Variants in EYA1 observed in about 807,000 individuals in gnomAD.
EYA1 encodes the protein protein phosphatase EYA1.
A neutral mutation model predicts 82.0 loss-of-function variants in EYA1; 16 were observed. The observed-to-expected ratio is 0.20, with a 90% CI of 0.13 to 0.30. The LOEUF (loss-of-function observed/expected upper bound fraction) is 0.30, where lower values mean the gene tolerates loss of function less well. Ranked by LOEUF, EYA1 falls within the 10% of genes least tolerant of loss-of-function variation. The pLI, the probability that EYA1 is intolerant of heterozygous loss-of-function variation, is 1.00. For synonymous variants in EYA1, 261 were observed against 264.4 expected (o/e 0.99, Z 0.12); for missense variants, 633 against 730.7 (o/e 0.87, Z 1.54).
chr8:71,337,947 G>C (rs1272999806), intron 3 of EYA1, among the ~76,000 whole-genome samples: 3 of 152,228 alleles, frequency 2.0e-5, no homozygotes, highest in African/African-American at 7.2e-5. Context: ...ATCTGTAAGT[G>C]TGGGTGAATA....
At chr8:71,438,563 C>G (rs941850535) in intron 2 of EYA1, among the ~76,000 whole-genome samples, 10 of 152,096 alleles carry the variant, frequency 6.6e-5, no homozygotes, top group South Asian at 2.1e-4. Flanking sequence ...CAGGCAGAAA[C>G]TGCTGTCAGG....
At chr8:71,428,043 G>A (rs752439134) in intron 2 of EYA1, among the ~76,000 whole-genome samples, 6 of 151,888 alleles carry the variant, frequency 4.0e-5, no homozygotes, top group Non-Finnish European at 8.8e-5. Flanking sequence ...AGTCTGGAAC[G>A]AGGCATATGG....
At chr8:71,379,224 C>T (rs1828552532) in intron 2 of EYA1, among the ~76,000 whole-genome samples, 1 of 152,118 alleles carries the variant, frequency 6.6e-6, no homozygotes, top group African/African-American at 2.4e-5. Context: ...CACTATGATG[C>T]TGGACAAGAC....
intron 17 of EYA1, among the ~76,000 whole-genome samples, chr8:71,208,887 G>A (rs1355677791): frequency 6.6e-6 from 1 of 152,184 alleles, no homozygotes; most frequent in Non-Finnish European, 1.5e-5. Flanking sequence ...TATCAGAAAG[G>A]TTTAGGAAGG....
At chr8:71,339,491 T>G (rs567396645) in intron 3 of EYA1, among the ~76,000 whole-genome samples, 1 of 152,156 alleles carries the variant, frequency 6.6e-6, no homozygotes, top group Non-Finnish European at 1.5e-5. Flanking sequence ...TGTCTGAAAC[T>G]GTTTCCACTG....
chr8:71,400,168 T>C (rs1279107865), intron 2 of EYA1, among the ~76,000 whole-genome samples: 1 of 151,978 alleles, frequency 6.6e-6, no homozygotes, highest in African/African-American at 2.4e-5. Context: ...AAGACTTAAG[T>C]GTAAAACCCA....
chr8:71,399,165 G>A (rs1419798115), intron 2 of EYA1, among the ~76,000 whole-genome samples: 1 of 152,192 alleles, frequency 6.6e-6, no homozygotes, highest in Non-Finnish European at 1.5e-5. Flanking sequence ...TAGGGTGGGA[G>A]TGTCCTGATT....
chr8:71,277,115 A>ATGCTTTTTTTTTTTTTT (rs1563383057), intron 9 of EYA1, among the ~76,000 whole-genome samples: 1 of 76,938 alleles, frequency 1.3e-5, no homozygotes, highest in African/African-American at 5.3e-5. Context: ...GGCTTCACAC[A>ATGCTTTTTTTTTTTTTT]TTTTTTTTTT....
chr8:71,504,662 T>C lies in EYA1; in HGVS notation c.33+31082A>G, dbSNP rs573934161. Among the ~76,000 whole-genome samples the C allele has an allele frequency of 1.7e-4, 26 of 152,324 alleles. No individual in the cohort carries two copies. The East Asian group carries it at 4.6e-3, about 27-fold the overall frequency. On this transcript the variant is annotated intron_variant, in intron 2 of 18. Transcript: ENST00000643681. The stretch of plus-strand genomic sequence containing the variant: ...CAGAATCACCTGGGATGCTTATTAA[T>C]ACATCCACCTCCAGATATTCTGCTT...
chr8:71,453,792 A>G (rs1807613659), intron 2 of EYA1, among the ~76,000 whole-genome samples: 1 of 152,194 alleles, frequency 6.6e-6, no homozygotes, highest in African/African-American at 2.4e-5. Context: ...GAAAGGAACA[A>G]CAGGTACGAG....
At chr8:71,333,658 C>G (rs1458252398) in intron 4 of EYA1, among the ~76,000 whole-genome samples, 1 of 152,118 alleles carries the variant, frequency 6.6e-6, no homozygotes, top group African/African-American at 2.4e-5. Context: ...TTTACAGAGT[C>G]TATTTAATTT....
At chr8:71,285,512 C>T (rs891708335) in intron 9 of EYA1, among the ~76,000 whole-genome samples, 1 of 152,136 alleles carries the variant, frequency 6.6e-6, no homozygotes, top group Non-Finnish European at 1.5e-5. Context: ...GGGCAGCATG[C>T]TTTTCAAAAA....
chr8:71,236,650 T>A (rs749949320), intron 12 of EYA1, among the ~76,000 whole-genome samples: 9 of 152,214 alleles, frequency 5.9e-5, no homozygotes, highest in Non-Finnish European at 1.0e-4. Flanking sequence ...TACAGTTGTG[T>A]GACCTTAGAC....
chr8:71,267,827 C>T (rs1332253496), intron 11 of EYA1, among the ~76,000 whole-genome samples: 1 of 152,164 alleles, frequency 6.6e-6, no homozygotes, highest in African/African-American at 2.4e-5. Flanking sequence ...GGATTACAGG[C>T]ATGAGCCACC....
At chr8:71,350,683 A>G (rs1292127374) in intron 3 of EYA1, among the ~76,000 whole-genome samples, 1 of 152,110 alleles carries the variant, frequency 6.6e-6, no homozygotes, top group East Asian at 1.9e-4. Flanking sequence ...CTAAGCTTAC[A>G]ATAGAGAAAA....
At chr8:71,469,692 C>G (rs1336259259) in intron 2 of EYA1, among the ~76,000 whole-genome samples, 1 of 152,056 alleles carries the variant, frequency 6.6e-6, no homozygotes, top group African/African-American at 2.4e-5. Context: ...CCCAGACTCA[C>G]AGAGATTTCT....
intron 3 of EYA1, among the ~76,000 whole-genome samples, chr8:71,337,266 C>T (rs931551302): frequency 6.6e-6 from 1 of 152,162 alleles, no homozygotes; most frequent in African/African-American, 2.4e-5. Flanking sequence ...TTTATCTCCA[C>T]CATACTCTTC....
At chr8:71,374,050 G>A (rs949342603) in intron 2 of EYA1, among the ~76,000 whole-genome samples, 7 of 151,922 alleles carry the variant, frequency 4.6e-5, no homozygotes, top group Non-Finnish European at 7.4e-5. Context: ...GAAAACAGGG[G>A]AAAAACTCCT....
At chr8:71,292,103 A>G (rs529759101) in intron 9 of EYA1, among the ~76,000 whole-genome samples, 1 of 152,136 alleles carries the variant, frequency 6.6e-6, no homozygotes, top group African/African-American at 2.4e-5. Flanking sequence ...GATAAAAGTC[A>G]ATTACAATTT....
Sources: gnomAD v4.1 joint callset for allele counts (sites outside exome capture counted in the v4.1 genomes callset) on GRCh38, gnomAD v4.1.1 for gene constraint, MANE v1.5 for transcripts, NCBI Gene and HGNC (gene_info 2026-07-23, HGNC 2026-07-21) for gene names.